Variants in ARHGEF18 observed in about 807,000 individuals in gnomAD.
The protein encoded by ARHGEF18 is Rho/Rac guanine nucleotide exchange factor 18, also known as rho guanine nucleotide exchange factor 18.
In ARHGEF18, 93 loss-of-function variants were observed where a neutral mutation model predicts 155.7. The ratio of observed to expected loss-of-function variants is 0.60; its 90% CI spans 0.50 to 0.71. The LOEUF (loss-of-function observed/expected upper bound fraction) is 0.71. Among genes scored for constraint, ARHGEF18 ranks in the 30% least tolerant of loss-of-function variants. The pLI, the probability that ARHGEF18 is intolerant of heterozygous loss-of-function variation, is 0.00. For synonymous variants in ARHGEF18, 742 were observed against 753.1 expected, an observed-to-expected ratio of 0.99 and a Z score of 0.24; for missense variants, 1,593 against 1,816.1, an observed-to-expected ratio of 0.88 and a Z score of 2.23.
intron 3 of ARHGEF18, among the ~76,000 whole-genome samples, chr19:7,374,959 C>A (rs1970365802): frequency 6.6e-6 from 1 of 152,078 alleles, no homozygotes; most frequent in Non-Finnish European, 1.5e-5. Context: ...TGTCCCTCAA[C>A]CCCTTCCAAG....
At chr19:7,472,893 G>T (rs755698410), downstream of ARHGEF18, 5 of 442,872 alleles carry the variant, frequency 1.1e-5, no homozygotes, top group Non-Finnish European at 2.3e-5. Context: ...GTAGACATGG[G>T]GTTTCGCCAT....
At chr19:7,376,782 A>G (rs1970479908) in intron 5 of ARHGEF18, 25 bp downstream of exon 5, 1 of 1,225,386 alleles carries the variant, frequency 8.2e-7, no homozygotes, top group Non-Finnish European at 1.0e-6. Context: ...AGTTTCCTTC[A>G]TTCAAACCAA....
chr19:7,380,218 C>T (rs2145436681), intron 7 of ARHGEF18, among the ~76,000 whole-genome samples: 1 of 151,734 alleles, frequency 6.6e-6, no homozygotes, highest in African/African-American at 2.4e-5. Context: ...GTGGCTCACA[C>T]CTGTAATCCC....
intron 1 of ARHGEF18, among the ~76,000 whole-genome samples, chr19:7,350,615 C>T (rs1969130044): frequency 6.6e-6 from 1 of 152,118 alleles, no homozygotes; most frequent in South Asian, 2.1e-4. Flanking sequence ...TGTTGATGCT[C>T]GATACTGTTG....
At chr19:7,353,830 G>C (rs1969215938) in intron 1 of ARHGEF18, among the ~76,000 whole-genome samples, 1 of 151,764 alleles carries the variant, frequency 6.6e-6, no homozygotes. Context: ...GTGCACGCCT[G>C]TGATCCCAGC....
In ARHGEF18 at chr19:7,399,429, AG is replaced by A. The variant is rs370407844; in HGVS notation, c.967+16227del. Among the ~76,000 whole-genome samples the A allele has an allele frequency of 1.7e-4, 25 of 151,400 alleles. No homozygotes were observed. In the East Asian group the frequency reaches 4.4e-3, roughly 27 times the overall value. On this transcript the variant is annotated intron_variant, in intron 10 of 28. Transcript: ENST00000668164. ...TAGTTTCAACTGAGTATAGAGTTCT[AG>A]TCTGATTATGTTCAATATGTTCAAA...
rs5826969 is a variant in ARHGEF18, at chr19:7,409,951, ATT to A, written c.967+26765_967+26766del. On this transcript the variant is annotated intron_variant, in intron 10 of 28. Coordinates refer to ENST00000668164, the MANE Select transcript of ARHGEF18 (RefSeq NM_001367823.1). ...ACCACACCCGGCTAATTTTTTTTGTATTTTTTTTTTTTTTTTTTAGCAGAGAT... is the reference window on the plus strand; with the variant it reads ...ACCACACCCGGCTAATTTTTTTTGTATTTTTTTTTTTTTTTTAGCAGAGAT... Among the ~76,000 whole-genome samples, 276 of 123,796 alleles carry A rather than the reference ATT, an allele frequency of 2.2e-3. 1 individual carries two copies. The highest frequency in any genetic ancestry group is 4.4e-3 in the Middle Eastern group (1 of 228). 81.2% of individuals were successfully genotyped at this position (123,796 alleles called of 152,430 possible).
intron 2 of ARHGEF18, among the ~76,000 whole-genome samples, chr19:7,369,118 A>G (rs4804549): frequency 0.2 from 30,057 of 151,676 alleles, 3,474 homozygotes; most frequent in Non-Finnish European, 0.26. Context: ...TCATGAGGTC[A>G]GGAGTTCAAG....
chr19:7,461,272 G>A lies in ARHGEF18; in HGVS notation c.2453-880G>A, dbSNP rs191297333. On this transcript the variant is annotated intron_variant, in intron 20 of 28. Coordinates refer to ENST00000668164, the MANE Select transcript of ARHGEF18 (RefSeq NM_001367823.1). The stretch of plus-strand genomic sequence containing the variant: ...TACAAAAAATTTAAAAATTAGGCTG[G>A]GTGCGGTGGCTCACGCCTGTAATCC... Among the ~76,000 whole-genome samples, 13 of 152,128 alleles carry A rather than the reference G, an allele frequency of 8.5e-5. No homozygotes were observed. In the East Asian group the frequency reaches 2.1e-3, roughly 25 times the overall value.
At position 7,453,583 on chromosome 19, in the gene ARHGEF18, G is replaced by A. The variant is rs573670041; in HGVS notation, c.1972G>A (p.Ala658Thr). ...GAAGGGCCAGCGCCTCAGGGAGATCGCAGGGAAGATGGACCTGAAGTCTTC... is the reference window on the plus strand; with the variant it reads ...GAAGGGCCAGCGCCTCAGGGAGATCACAGGGAAGATGGACCTGAAGTCTTC... ...CEKGQRLREI[A>T]GKMDLKSSSK... The change falls in exon 17 of 29, where the codon GCA becomes ACA. Residue 658 changes from alanine to threonine, a missense_variant. Transcript: ENST00000668164. 2.0e-5 allele frequency: 33 copies of A among 1,613,792 alleles called. No homozygotes were observed. Among genetic ancestry groups the A allele is most frequent in the East Asian group, 2.0e-4 (9 of 44,892 alleles).
At position 7,427,501 on chromosome 19, in the gene ARHGEF18, C is replaced by T. The variant is rs78146349; in HGVS notation, c.968-12843C>T. Among the ~76,000 whole-genome samples the T allele has an allele frequency of 5.0e-4, 59 of 117,690 alleles. No homozygotes were observed. In the Middle Eastern group the frequency reaches 0.034, roughly 67 times the overall value. The allele number at this position is 117,690 out of a possible 152,430, so 77.2% of individuals were successfully genotyped here. ...CTCTACAGAAAATACAAAAATCAGC[C>T]GAGTGTGGGAGTGTCTGCCTGTAGT... On this transcript the variant is annotated intron_variant, in intron 10 of 28. Transcript: ENST00000668164.
rs148721551 is a variant in ARHGEF18, at chr19:7,388,841, A to G, written c.967+5638A>G. On this transcript the variant is annotated intron_variant, in intron 10 of 28. Transcript: ENST00000668164. ...GGTGATCCACCCCCCTCAGCCTTCC[A>G]AAATGCTAGGATTACAGGCATGAGC... Among the ~76,000 whole-genome samples, 16 of 152,162 alleles carry G rather than the reference A, an allele frequency of 1.1e-4. No homozygotes were observed. The East Asian group carries it at 3.1e-3, about 29-fold the overall frequency.
intron 10 of ARHGEF18, among the ~76,000 whole-genome samples, chr19:7,407,364 T>C (rs1600326129): frequency 1.3e-5 from 2 of 150,336 alleles, no homozygotes; most frequent in South Asian, 4.2e-4. Context: ...AGGTGGGGGT[T>C]GAAGCGAGCC....
chr19:7,473,473 C>T, downstream of ARHGEF18: 1 of 359,362 alleles, frequency 2.8e-6, no homozygotes, highest in Middle Eastern at 6.6e-4. Flanking sequence ...AGTTCAAGAC[C>T]AGCCTGGGCA....
chr19:7,461,564 G>A (rs192762243), intron 20 of ARHGEF18, among the ~76,000 whole-genome samples: 1 of 152,210 alleles, frequency 6.6e-6, no homozygotes, highest in East Asian at 1.9e-4. Context: ...GAAGAAGGAA[G>A]GAAAGAAAGA....
At chr19:7,359,786 T>C (rs1969470366) in intron 1 of ARHGEF18, among the ~76,000 whole-genome samples, 1 of 151,474 alleles carries the variant, frequency 6.6e-6, no homozygotes, top group Non-Finnish European at 1.5e-5. Flanking sequence ...GAGTCAGTCA[T>C]TGGGAACTAG....
rs1053414425 is a variant in ARHGEF18 at position 7,462,372 on chromosome 19, C to A, written c.2635+38C>A. ...CCCACACCTCAAGGGTGCAGTCTTGCCGGGGTGGGCTCCTCAGGGAACCCC... is the reference window on the plus strand; with the variant it reads ...CCCACACCTCAAGGGTGCAGTCTTGACGGGGTGGGCTCCTCAGGGAACCCC... On this transcript the variant is annotated intron_variant, in intron 21 of 28. Transcript: ENST00000668164. The surrounding 1 kb of genome is among the most constrained non-coding windows in gnomAD (Gnocchi z 4.4). 1.3e-6 allele frequency: 2 copies of A among 1,530,690 alleles called. No individual in the cohort carries two copies. The highest frequency in any genetic ancestry group is 2.8e-5 in the African/African-American group (2 of 72,200). 94.8% of individuals were successfully genotyped at this position (1,530,690 alleles called of 1,614,324 possible). A position where few individuals can be genotyped will look rare whatever the true frequency, so the allele number is the denominator to read the frequency against.
At chr19:7,439,963 T>G in intron 10 of ARHGEF18, 1 of 1,533,652 alleles carries the variant, frequency 6.5e-7, no homozygotes, top group Non-Finnish European at 8.8e-7. Context: ...GGGACCAATA[T>G]CCTGCCCTCC....
At chr19:7,413,071 TAGAA>T (rs1319441246) in intron 10 of ARHGEF18, among the ~76,000 whole-genome samples, 2 of 152,018 alleles carry the variant, frequency 1.3e-5, no homozygotes, top group African/African-American at 4.8e-5. Flanking sequence ...CACATGGAAA[TAGAA>T]AGCATCTAAC....
Sources: gnomAD v4.1 joint callset for allele counts (sites outside exome capture counted in the v4.1 genomes callset) on GRCh38, gnomAD v4.1.1 for gene constraint, Gnocchi (gnomAD v3.1) non-coding constraint, MANE v1.5 for transcripts, NCBI Gene and HGNC (gene_info 2026-07-23, HGNC 2026-07-21) for gene names.